Variants in SLC38A6 observed in about 807,000 individuals in gnomAD.
SLC38A6 encodes solute carrier family 38 member 6.
A neutral mutation model predicts 65.0 loss-of-function variants in SLC38A6; 73 were observed. That is an observed-to-expected ratio of 1.12 (90% CI 0.93 to 1.37). The LOEUF (loss-of-function observed/expected upper bound fraction) is 1.37, where lower values mean the gene tolerates loss of function less well. SLC38A6 is among the 40% of genes most tolerant of loss of function. The probability of loss-of-function intolerance (pLI) is 0.00; values close to 1 mark genes in which losing one functional copy is unlikely to be tolerated. For synonymous variants in SLC38A6, 183 were observed against 178.8 expected, an observed-to-expected ratio of 1.02 and a Z score of -0.19; for missense variants, 561 against 531.1, an observed-to-expected ratio of 1.06 and a Z score of -0.55.
intron 10 of SLC38A6, 147 bp downstream of exon 10, chr14:61,043,650 C>A: frequency 5.6e-6 from 2 of 356,286 alleles, no homozygotes; most frequent in Non-Finnish European, 1.0e-5. Flanking sequence ...TACCAGAAGA[C>A]TACTATTATT....
At position 61,030,542 on chromosome 14, in the gene SLC38A6, C is replaced by T. The variant is rs762296823; in HGVS notation, c.482+19C>T. ...ATAGTAGGTAAGAAAAAGTATTTTA[C>T]ATTGTGTCCGTTCATGTATTAATTT... On this transcript the variant is annotated intron_variant, in intron 6 of 15. Transcript: ENST00000267488. 3.9e-5 allele frequency: 60 copies of T among 1,527,758 alleles called. No individual in the cohort carries two copies. The South Asian group carries it at 6.7e-4, about 17-fold the overall frequency. The allele number at this position is 1,527,758 out of a possible 1,614,324, so 94.6% of individuals were successfully genotyped here.
At position 61,015,275 on chromosome 14, in the gene SLC38A6, G is replaced by A. The variant is rs1238072543; in HGVS notation, c.311-629G>A. On this transcript the variant is annotated intron_variant, in intron 3 of 15. Coordinates refer to ENST00000267488, the MANE Select transcript of SLC38A6 (RefSeq NM_153811.3). ...GAGTGACCCGATTTTCCAGGTGCCG[G>A]CTGTCATCCCTTTCTTTGACTAGGA... Among the ~76,000 whole-genome samples, 6 of 152,134 alleles carry A rather than the reference G, an allele frequency of 3.9e-5. No individual in the cohort carries two copies. In the South Asian group the frequency reaches 1.0e-3, roughly 26 times the overall value.
chr14:61,032,068 C>T (rs1165394711), intron 6 of SLC38A6, among the ~76,000 whole-genome samples: 1 of 151,816 alleles, frequency 6.6e-6, no homozygotes, highest in Non-Finnish European at 1.5e-5. Context: ...CACAAACTTA[C>T]AGCACAGTGT....
At chr14:60,992,718 G>A (rs944682519) in intron 3 of SLC38A6, among the ~76,000 whole-genome samples, 2 of 150,872 alleles carry the variant, frequency 1.3e-5, no homozygotes, top group Non-Finnish European at 1.5e-5. Context: ...ACAAAGTCTC[G>A]CTCTGTTGTC....
intron 5 of SLC38A6, 28 bp from the exon 6 acceptor site, chr14:61,030,417 A>G (rs759288970): frequency 2.0e-6 from 3 of 1,516,776 alleles, no homozygotes; most frequent in Non-Finnish European, 1.8e-6. Flanking sequence ...ATAGAATTCT[A>G]ATAGGAACAC....
intron 3 of SLC38A6, 80 bp downstream of exon 3, chr14:60,984,883 A>G (rs2037339466): frequency 7.7e-7 from 1 of 1,293,714 alleles, no homozygotes; most frequent in South Asian, 1.2e-5. Flanking sequence ...GGATGTCTCA[A>G]ATCTAATATC....
At chr14:61,052,283 A>T in intron 15 of SLC38A6, 66 bp from the exon 16 acceptor site, 3 of 1,382,302 alleles carry the variant, frequency 2.2e-6, no homozygotes, top group Non-Finnish European at 2.9e-6. Context: ...CAAATAATCC[A>T]ATTGTATTTT....
At position 61,036,966 on chromosome 14, in the gene SLC38A6, G is replaced by GTGTGTA. The variant is rs1328261984; in HGVS notation, c.483-88_483-87insATGTGT. On this transcript the variant is annotated intron_variant, in intron 6 of 15. Transcript: ENST00000267488. ...GGTTGTAATGGTTATAACTCTGTGT[G>GTGTGTA]TGTGTGTGTGTGTGTGTGTGTGTGT... 123 of 595,648 alleles carry GTGTGTA rather than the reference G, an allele frequency of 2.1e-4. 1 individual carries two copies. The African/African-American group carries it at 2.2e-3, about 10-fold the overall frequency. 36.9% of individuals were successfully genotyped at this position (595,648 alleles called of 1,614,324 possible).
At chr14:61,049,557 T>C (rs555640890) in intron 12 of SLC38A6, among the ~76,000 whole-genome samples, 1 of 152,270 alleles carries the variant, frequency 6.6e-6, no homozygotes, top group South Asian at 2.1e-4. Context: ...GTCATCACAG[T>C]TTAGAATCTC....
chr14:61,044,428 C>A (rs182582595), intron 10 of SLC38A6, among the ~76,000 whole-genome samples: 1 of 152,260 alleles, frequency 6.6e-6, no homozygotes, highest in African/African-American at 2.4e-5. Flanking sequence ...GGAAACTGAG[C>A]AATATATGAA....
Position 61,028,142 on chromosome 14 carries a change from CAG to C in SLC38A6, c.404-2301_404-2300del. Among the ~76,000 whole-genome samples the C allele has an allele frequency of 1.3e-5, 2 of 151,926 alleles. 1 individual carries two copies. Among genetic ancestry groups the C allele is most frequent in the East Asian group, 3.9e-4 (2 of 5,172 alleles). On this transcript the variant is annotated intron_variant, in intron 5 of 15. Coordinates refer to ENST00000267488, the MANE Select transcript of SLC38A6 (RefSeq NM_153811.3). ...CTAATAGAAATTCTGGAAAGAATGA[CAG>C]ATATTATATTAGAAAGAAATAGGAT...
At chr14:61,006,565 C>T (rs1296995872) in intron 3 of SLC38A6, among the ~76,000 whole-genome samples, 4 of 152,278 alleles carry the variant, frequency 2.6e-5, no homozygotes, top group Middle Eastern at 3.4e-3. Context: ...CCAAAAAACA[C>T]ATGAAAAAAT....
At position 61,045,445 on chromosome 14, in the gene SLC38A6, T is replaced by C; in HGVS notation, c.824+20T>C. ...TCAAAGGTACTGTAGAATCCTGGAA[T>C]ATTTTAAATATATTGTGTATCTTTT... On this transcript the variant is annotated intron_variant, in intron 11 of 15. Coordinates refer to ENST00000267488, the MANE Select transcript of SLC38A6 (RefSeq NM_153811.3). The C allele has an allele frequency of 1.9e-6, 3 of 1,539,004 alleles. No homozygotes were observed. Among genetic ancestry groups the C allele is most frequent in the Non-Finnish European group, 2.7e-6 (3 of 1,116,666 alleles).
At chr14:61,066,594 G>A (rs2043025517) in intron 15 of SLC38A6, among the ~76,000 whole-genome samples, 1 of 152,136 alleles carries the variant, frequency 6.6e-6, no homozygotes, top group South Asian at 2.1e-4. Flanking sequence ...GCAGAGAAAT[G>A]TTTCTCACTT....
At chr14:60,998,687 C>T (rs1566624669) in intron 3 of SLC38A6, among the ~76,000 whole-genome samples, 1 of 152,226 alleles carries the variant, frequency 6.6e-6, no homozygotes, top group Non-Finnish European at 1.5e-5. Context: ...CTGTAGCATG[C>T]CCACTGGGGC....
chr14:61,001,280 C>G (rs1459676165), intron 3 of SLC38A6, among the ~76,000 whole-genome samples: 2 of 152,168 alleles, frequency 1.3e-5, no homozygotes, highest in Non-Finnish European at 2.9e-5. Flanking sequence ...AAATAATGAT[C>G]TGGGCCCAAA....
chr14:61,040,267 G>T (rs1372739064), intron 8 of SLC38A6, among the ~76,000 whole-genome samples: 1 of 151,734 alleles, frequency 6.6e-6, no homozygotes, highest in Non-Finnish European at 1.5e-5. Context: ...AAACTGCCGG[G>T]CTTAGGTGAT....
intron 12 of SLC38A6, chr14:61,048,369 G>C (rs2139839281): frequency 3.2e-6 from 1 of 316,832 alleles, no homozygotes; most frequent in South Asian, 2.7e-5. Flanking sequence ...TTAATACCCT[G>C]TTTGACAATG....
chr14:60,992,410 T>G (rs2139719548), intron 3 of SLC38A6, among the ~76,000 whole-genome samples: 2 of 152,306 alleles, frequency 1.3e-5, no homozygotes, highest in South Asian at 4.1e-4. Context: ...ATTTTGTAAA[T>G]ATTTCTCGGA....
Sources: gnomAD v4.1 joint callset for allele counts (sites outside exome capture counted in the v4.1 genomes callset) on GRCh38, gnomAD v4.1.1 for gene constraint, MANE v1.5 for transcripts, NCBI Gene and HGNC (gene_info 2026-07-23, HGNC 2026-07-21) for gene names.